The following KIF13A variants were observed in gnomAD, a reference collection of about 807,000 sequenced individuals.
KIF13A encodes the protein kinesin-like protein KIF13A.
Under a neutral mutation model 212.2 loss-of-function variants are expected in KIF13A, and 79 were observed. The observed-to-expected ratio is 0.37, with a 90% CI of 0.31 to 0.45. The LOEUF (loss-of-function observed/expected upper bound fraction) is 0.45, where lower values mean the gene tolerates loss of function less well. Among genes scored for constraint, KIF13A ranks in the 20% least tolerant of loss-of-function variants. The probability of loss-of-function intolerance (pLI) is 1.00; values close to 1 mark genes in which losing one functional copy is unlikely to be tolerated. For synonymous variants in KIF13A, 789 were observed against 808.6 expected, an observed-to-expected ratio of 0.98 and a Z score of 0.41; for missense variants, 1,901 against 2,209.0, an observed-to-expected ratio of 0.86 and a Z score of 2.79.
intron 2 of KIF13A, among the ~76,000 whole-genome samples, chr6:17,924,243 A>T (rs183419440): frequency 1.8e-4 from 27 of 152,362 alleles, no homozygotes; most frequent in African/African-American, 6.5e-4. Context: ...AGATTCCAGC[A>T]GGACCCATAC....
At chr6:17,827,279 A>G (rs1765049411) in intron 14 of KIF13A, among the ~76,000 whole-genome samples, 1 of 150,614 alleles carries the variant, frequency 6.6e-6, no homozygotes, top group African/African-American at 2.4e-5. Context: ...ATTTTTTTGT[A>G]GAGTAGGGGG....
chr6:17,766,485 G>A (rs920252273), intron 38 of KIF13A, among the ~76,000 whole-genome samples: 15 of 152,188 alleles, frequency 9.9e-5, no homozygotes, highest in Admixed American at 5.2e-4. Flanking sequence ...TGATCTGCCC[G>A]TCTCAGCCTC....
At chr6:17,973,136 G>A (rs569927528) in intron 2 of KIF13A, among the ~76,000 whole-genome samples, 9 of 152,276 alleles carry the variant, frequency 5.9e-5, no homozygotes, top group East Asian at 1.9e-4. Flanking sequence ...CGATGCCCAA[G>A]GAAGTTCTAA....
At chr6:17,780,649 A>G in intron 31 of KIF13A, 81 bp downstream of exon 31, 1 of 1,386,176 alleles carries the variant, frequency 7.2e-7, no homozygotes, top group Non-Finnish European at 1.0e-6. Context: ...CACAGCACCA[A>G]AAAACACTGC....
chr6:17,822,059 T>C (rs922340857), intron 16 of KIF13A, among the ~76,000 whole-genome samples: 2 of 149,892 alleles, frequency 1.3e-5, no homozygotes, highest in African/African-American at 4.9e-5. Flanking sequence ...TTTTTTTTTG[T>C]GATGAAGTCT....
Position 17,825,742 on chromosome 6 carries a change from G to A in KIF13A, c.1786+26C>T, listed in dbSNP as rs764001078. Reference sequence around the variant, plus strand: ...TGTGAGGTGAGGAAATGCCCAAGGCGCTGGAACACAGAGTGAGGGTCTTAC... The same window carrying A: ...TGTGAGGTGAGGAAATGCCCAAGGCACTGGAACACAGAGTGAGGGTCTTAC... On this transcript the variant is annotated intron_variant, in intron 16 of 38. Transcript: ENST00000259711. The surrounding 1 kb of genome is among the most constrained non-coding windows in gnomAD (Gnocchi z 4.5). 3.7e-6 allele frequency: 6 copies of A among 1,601,436 alleles called. No homozygotes were observed. Among genetic ancestry groups the A allele is most frequent in the Admixed American group, 1.7e-5 (1 of 58,044 alleles).
In KIF13A at chr6:17,787,176, T is replaced by C. The variant is rs567079079; in HGVS notation, c.3361+600A>G. ...GTCCTGGTGCCTAAAGTACCTTGTA[T>C]TGACATACTGGTATTGATCACATTT... On this transcript the variant is annotated intron_variant, in intron 27 of 38. Coordinates refer to ENST00000259711, the MANE Select transcript of KIF13A (RefSeq NM_022113.6). The surrounding 1 kb of genome is among the most constrained non-coding windows in gnomAD (Gnocchi z 4.6). 1.3e-5 allele frequency among the ~76,000 whole-genome samples: 2 copies of C among 152,340 alleles called. No homozygotes were observed. The highest frequency in any genetic ancestry group is 4.8e-5 in the African/African-American group (2 of 41,580).
intron 2 of KIF13A, among the ~76,000 whole-genome samples, chr6:17,952,657 G>A (rs913632768): frequency 1.4e-4 from 21 of 152,208 alleles, no homozygotes; most frequent in African/African-American, 3.9e-4. Context: ...AAAGCCGGGC[G>A]TGGTGGCTCA....
chr6:17,848,588 CAG>C (rs1767319550), intron 9 of KIF13A, among the ~76,000 whole-genome samples: 2 of 103,586 alleles, frequency 1.9e-5, no homozygotes, highest in African/African-American at 7.7e-5. Context: ...TTTTTTGAGA[CAG>C]AGTCTCGCTC....
chr6:17,979,485 G>T (rs1780867760), intron 2 of KIF13A, among the ~76,000 whole-genome samples: 1 of 152,150 alleles, frequency 6.6e-6, no homozygotes, highest in Non-Finnish European at 1.5e-5. Context: ...AATAGTAACT[G>T]CAAAGAGAAT....
chr6:17,952,003 A>G (rs1322097625), intron 2 of KIF13A, among the ~76,000 whole-genome samples: 1 of 152,116 alleles, frequency 6.6e-6, no homozygotes, highest in African/African-American at 2.4e-5. Context: ...TTCCTAATTT[A>G]TATTAAGAAA....
intron 3 of KIF13A, among the ~76,000 whole-genome samples, chr6:17,894,783 A>C (rs1286608642): frequency 1.3e-5 from 2 of 152,210 alleles, no homozygotes; most frequent in Non-Finnish European, 2.9e-5. Flanking sequence ...TTACAGTATC[A>C]CACAGTACAG....
rs1569541 is a variant in KIF13A at position 17,961,186 on chromosome 6, T to C, written c.146+25868A>G. Among the ~76,000 whole-genome samples, 15,097 of 151,858 alleles carry C rather than the reference T, an allele frequency of 0.099. 919 individuals carry two copies. The highest frequency in any genetic ancestry group is 0.18 in the East Asian group (921 of 5,164). ...TGCAGAGAGGAGGCTAAAAGAGCAC[T>C]TCAAACTGGAGAAAATACGGAAGTG... On this transcript the variant is annotated intron_variant, in intron 2 of 38. Transcript: ENST00000259711. This position sits in a 1 kb window ranked among gnomAD's most constrained non-coding sequence, Gnocchi z 4.1.
intron 6 of KIF13A, among the ~76,000 whole-genome samples, chr6:17,853,385 A>G (rs889694122): frequency 5.9e-5 from 9 of 152,192 alleles, no homozygotes; most frequent in African/African-American, 1.9e-4. Context: ...AAATTCTTGT[A>G]CACTGCTGGT....
In KIF13A at chr6:17,886,342, A is replaced by AC. The variant is rs1771535579; in HGVS notation, c.159+11825dup. ...TAGGCTGACTCCATGGCCCCAGGTCACCAAAGCTAAAGGACCTGAGGCAGT... is the reference window on the plus strand; with the variant it reads ...TAGGCTGACTCCATGGCCCCAGGTCACCCAAAGCTAAAGGACCTGAGGCAGT... On this transcript the variant is annotated intron_variant, in intron 3 of 38. Transcript: ENST00000259711. The surrounding 1 kb of genome is among the most constrained non-coding windows in gnomAD (Gnocchi z 5.6). Among the ~76,000 whole-genome samples, 1 of 152,128 alleles carries AC rather than the reference A, an allele frequency of 6.6e-6. No homozygotes were observed. Among genetic ancestry groups the AC allele is most frequent in the African/African-American group, 2.4e-5 (1 of 41,422 alleles).
intron 2 of KIF13A, among the ~76,000 whole-genome samples, chr6:17,958,171 G>T (rs1452567741): frequency 1.3e-5 from 2 of 152,172 alleles, no homozygotes; most frequent in Non-Finnish European, 2.9e-5. Flanking sequence ...CACAAGGAGG[G>T]TTTTACTCAC....
At chr6:17,823,035 TA>T (rs1172424786) in intron 16 of KIF13A, among the ~76,000 whole-genome samples, 4 of 116,014 alleles carry the variant, frequency 3.4e-5, no homozygotes, top group Non-Finnish European at 5.7e-5. Flanking sequence ...CATGGTTCTA[TA>T]CTTTTTTTTT....
At chr6:17,818,018 T>C (rs537098646) in intron 16 of KIF13A, among the ~76,000 whole-genome samples, 69 of 152,068 alleles carry the variant, frequency 4.5e-4, no homozygotes, top group Non-Finnish European at 8.5e-4. Flanking sequence ...ATAAGCTGGA[T>C]ACTGTGGAGA....
chr6:17,780,600 C>T (rs897002197), intron 31 of KIF13A, 130 bp downstream of exon 31: 1 of 795,780 alleles, frequency 1.3e-6, no homozygotes, highest in African/African-American at 1.7e-5. Flanking sequence ...AAATGAGAAT[C>T]AGACTATAAC....
Sources: allele counts gnomAD v4.1 joint callset (sites outside exome capture counted in the v4.1 genomes callset), GRCh38; gene constraint gnomAD v4.1.1; non-coding constraint Gnocchi (gnomAD v3.1); transcripts MANE v1.5; gene names NCBI Gene and HGNC (gene_info 2026-07-23, HGNC 2026-07-21).